Variants in CNTLN observed in about 807,000 individuals in gnomAD.
CNTLN encodes centlein, also known as centlein, centrosomal protein.
A neutral mutation model predicts 180.0 loss-of-function variants in CNTLN; 212 were observed. That is an observed-to-expected ratio of 1.18 (90% CI 1.05 to 1.32). CNTLN has a LOEUF of 1.32. Among genes scored for constraint, CNTLN ranks in the 40% most tolerant of loss-of-function variants. CNTLN has a pLI of 0.00. For missense variants in CNTLN, 2,095 were observed against 1,610.9 expected (o/e 1.30, Z -5.14); for synonymous variants, 722 against 563.1 (o/e 1.28, Z -3.99).
chr9:17,486,217 A>G (rs547062656), intron 24 of CNTLN, among the ~76,000 whole-genome samples: 4 of 152,162 alleles, frequency 2.6e-5, no homozygotes, highest in Admixed American at 6.5e-5. Flanking sequence ...TTTACACTAT[A>G]TCGAACTGTA....
rs952327185 is a variant in CNTLN at position 17,288,816 on chromosome 9, G to C, written c.984-9374G>C. 5.3e-5 allele frequency among the ~76,000 whole-genome samples: 7 copies of C among 132,540 alleles called. 1 individual carries two copies. Among genetic ancestry groups the C allele is most frequent in the African/African-American group, 2.3e-4 (7 of 30,884 alleles). 87.0% of individuals were successfully genotyped at this position (132,540 alleles called of 152,430 possible). A position where few individuals can be genotyped will look rare whatever the true frequency, so the allele number is the denominator to read the frequency against. On this transcript the variant is annotated intron_variant, in intron 6 of 25. Coordinates refer to ENST00000380647, the MANE Select transcript of CNTLN (RefSeq NM_017738.4). ...TGGTTTAAAGTCTGTTTTATCAAGA[G>C]ACTAGGATTGCAACCCCTGCCTTTT...
intron 5 of CNTLN, among the ~76,000 whole-genome samples, chr9:17,267,749 T>G (rs868330046): frequency 6.6e-6 from 1 of 152,186 alleles, no homozygotes; most frequent in Non-Finnish European, 1.5e-5. Flanking sequence ...TTTTTATTCT[T>G]TTTTCTCTAA....
intron 2 of CNTLN, among the ~76,000 whole-genome samples, chr9:17,216,798 A>G (rs1823787960): frequency 6.6e-6 from 1 of 152,188 alleles, no homozygotes; most frequent in South Asian, 2.1e-4. Context: ...ATGTGTATTA[A>G]GCCAACATAG....
chr9:17,294,320 A>C (rs566471308), intron 6 of CNTLN, among the ~76,000 whole-genome samples: 6 of 152,064 alleles, frequency 3.9e-5, no homozygotes, highest in South Asian at 2.1e-4. Flanking sequence ...TGATTGGTCC[A>C]TTTTACAGAG....
chr9:17,385,617 CG>C (rs1825628955), intron 13 of CNTLN, among the ~76,000 whole-genome samples: 1 of 152,054 alleles, frequency 6.6e-6, no homozygotes, highest in African/African-American at 2.4e-5. Flanking sequence ...TCTGTATCCA[CG>C]GGTTCCACAT....
chr9:17,207,528 T>C (rs1388829204), intron 2 of CNTLN, among the ~76,000 whole-genome samples: 1 of 152,150 alleles, frequency 6.6e-6, no homozygotes, highest in African/African-American at 2.4e-5. Context: ...GCAAAAACCG[T>C]GGGAAAATTG....
chr9:17,473,811 C>A (rs182719923), intron 23 of CNTLN, among the ~76,000 whole-genome samples: 1 of 152,276 alleles, frequency 6.6e-6, no homozygotes, highest in Admixed American at 6.5e-5. Context: ...TCACCAGTAA[C>A]CTCCATATTG....
chr9:17,405,244 C>T (rs755711691), intron 15 of CNTLN, among the ~76,000 whole-genome samples: 3 of 151,760 alleles, frequency 2.0e-5, no homozygotes, highest in Admixed American at 1.3e-4. Context: ...CATTCCCCCT[C>T]AGTCTCTCAA....
At chr9:17,310,968 G>A (rs1161126587) in intron 8 of CNTLN, among the ~76,000 whole-genome samples, 1 of 151,710 alleles carries the variant, frequency 6.6e-6, no homozygotes, top group African/African-American at 2.4e-5. Flanking sequence ...ATCTCACTGT[G>A]TACTTGTCTT....
chr9:17,169,338 A>G (rs1439193691), intron 2 of CNTLN, among the ~76,000 whole-genome samples: 1 of 152,122 alleles, frequency 6.6e-6, no homozygotes, highest in African/African-American at 2.4e-5. Flanking sequence ...GAACATAATG[A>G]CAGCCTTGTG....
intron 18 of CNTLN, among the ~76,000 whole-genome samples, chr9:17,440,888 C>CA (rs1424040154): frequency 6.6e-6 from 1 of 152,092 alleles, no homozygotes; most frequent in Non-Finnish European, 1.5e-5. Context: ...CCAGAAAAGG[C>CA]AAAATCCATA....
chr9:17,151,131 C>G (rs570953251), intron 2 of CNTLN, among the ~76,000 whole-genome samples: 45 of 152,180 alleles, frequency 3.0e-4, no homozygotes, highest in Non-Finnish European at 5.3e-4. Context: ...ATTTGGATAC[C>G]CTTTATTGCT....
At chr9:17,152,262 A>G (rs1159976715) in intron 2 of CNTLN, among the ~76,000 whole-genome samples, 1 of 152,062 alleles carries the variant, frequency 6.6e-6, no homozygotes, top group East Asian at 1.9e-4. Context: ...TAGGGTGTCA[A>G]TTTTAGATCT....
At chr9:17,364,675 C>T (rs947725179) in intron 12 of CNTLN, among the ~76,000 whole-genome samples, 3 of 152,082 alleles carry the variant, frequency 2.0e-5, no homozygotes, top group African/African-American at 7.2e-5. Context: ...TATTTATATA[C>T]TTATTGTCTC....
In CNTLN at chr9:17,394,875, C is replaced by T. The variant is rs73428107; in HGVS notation, c.2421C>T (p.Ser807=). The T allele has an allele frequency of 4.0e-4, 653 of 1,613,902 alleles. 2 individuals are homozygous for T. In the African/African-American group the frequency reaches 7.6e-3, roughly 19 times the overall value. Residue 807 remains serine, a synonymous_variant, in exon 15 of 26, where the codon TCC becomes TCT. Transcript: ENST00000380647. ...ACCAGTCAGCAGACAGAGCTAAATC[C>T]GAGATGGCCACCATGAAAGTGAGAT... is the stretch of plus-strand genomic sequence containing the variant. ...KSHQSADRAK[S]EMATMKVRSG... is the part of the protein sequence containing the mutation.
the CNTLN span, among the ~76,000 whole-genome samples, chr9:17,522,636 G>C: frequency 6.6e-6 from 1 of 151,938 alleles, no homozygotes; most frequent in East Asian, 1.9e-4. Context: ...AAGCAGACTT[G>C]GCTGGCACAC....
intron 12 of CNTLN, among the ~76,000 whole-genome samples, chr9:17,364,342 A>G (rs1233249439): frequency 6.6e-6 from 1 of 151,950 alleles, no homozygotes; most frequent in Non-Finnish European, 1.5e-5. Context: ...CTTCCATTTT[A>G]TCAATTTCCA....
At chr9:17,173,828 A>G (rs887830668) in intron 2 of CNTLN, among the ~76,000 whole-genome samples, 5 of 152,220 alleles carry the variant, frequency 3.3e-5, no homozygotes, top group Non-Finnish European at 1.5e-5. Flanking sequence ...AGGAAATAAT[A>G]CAGAGATTTG....
At chr9:17,459,518 C>T (rs1019272376) in intron 19 of CNTLN, among the ~76,000 whole-genome samples, 4 of 151,824 alleles carry the variant, frequency 2.6e-5, no homozygotes, top group Non-Finnish European at 5.9e-5. Flanking sequence ...GACCAAGTAC[C>T]TTTAAGTACA....
Sources: allele counts gnomAD v4.1 joint callset (sites outside exome capture counted in the v4.1 genomes callset), GRCh38; gene constraint gnomAD v4.1.1; transcripts MANE v1.5; gene names NCBI Gene and HGNC (gene_info 2026-07-23, HGNC 2026-07-21).